Variants in DOCK2 observed in about 807,000 individuals in gnomAD.
The protein encoded by DOCK2 is dedicator of cytokinesis protein 2.
Under a neutral mutation model 248.9 loss-of-function variants are expected in DOCK2, and 87 were observed. The ratio of observed to expected loss-of-function variants is 0.35; its 90% CI spans 0.29 to 0.42. The LOEUF is 0.42. DOCK2 is among the 10% of genes least tolerant of loss of function. The pLI, the probability that DOCK2 is intolerant of heterozygous loss-of-function variation, is 1.00. For missense variants in DOCK2, 1,747 were observed against 2,300.2 expected (o/e 0.76, Z 4.92); for synonymous variants, 805 against 821.6 (o/e 0.98, Z 0.35).
intron 27 of DOCK2, among the ~76,000 whole-genome samples, chr5:169,891,911 G>A (rs1029374348): frequency 1.3e-5 from 2 of 150,606 alleles, no homozygotes; most frequent in Admixed American, 6.6e-5. Context: ...AAAGAGAATC[G>A]CTTGAACCTG....
At chr5:169,727,067 CAAAAAAA>C (rs796894886) in intron 22 of DOCK2, among the ~76,000 whole-genome samples, 1 of 89,328 alleles carries the variant, frequency 1.1e-5, no homozygotes, top group South Asian at 3.5e-4. Context: ...GACCCTGTCT[CAAAAAAA>C]AAAAAAAGAA....
intron 22 of DOCK2, among the ~76,000 whole-genome samples, chr5:169,739,781 A>G (rs1346547461): frequency 6.6e-6 from 1 of 152,230 alleles, no homozygotes; most frequent in Non-Finnish European, 1.5e-5. Flanking sequence ...CTTGGCACCC[A>G]GACTTTTATA....
rs536724336 is a variant in DOCK2 at position 170,050,274 on chromosome 5, C to T, written c.4090C>T (p.Arg1364Cys). Residue 1364 changes from arginine to cysteine, a missense_variant, in exon 41 of 52, where the codon CGC becomes TGC. Arg to Cys is a radical substitution (Grantham distance 180). This residue lies in a region of DOCK2 where 858 missense variants were observed against 1,183.5 expected (regional missense o/e 0.72). Transcript: ENST00000520908. ...SFLRNKVFIY[R>C]GKEYERREDF... ...TCTGCAGAACAAAGTGTTCATCTAC[C>T]GCGGGAAGGAATATGAGCGAAGAGA... 5.5e-5 allele frequency: 88 copies of T among 1,614,104 alleles called. No homozygotes were observed. Among genetic ancestry groups the T allele is most frequent in the Non-Finnish European group, 6.5e-5 (77 of 1,179,970 alleles).
chr5:170,034,058 A>G (rs1303210722), intron 34 of DOCK2, among the ~76,000 whole-genome samples: 18 of 152,220 alleles, frequency 1.2e-4, no homozygotes, highest in Non-Finnish European at 1.5e-5. Flanking sequence ...TTGTGGGGTC[A>G]GAGGATATGT....
intron 22 of DOCK2, among the ~76,000 whole-genome samples, chr5:169,734,240 A>G (rs1256649747): frequency 6.6e-6 from 1 of 151,914 alleles, no homozygotes; most frequent in African/African-American, 2.4e-5. Flanking sequence ...TTTCAAATCT[A>G]ATTTTTTGTT....
chr5:169,707,131 C>A (rs2113501432), intron 14 of DOCK2, among the ~76,000 whole-genome samples: 1 of 152,342 alleles, frequency 6.6e-6, no homozygotes, highest in Middle Eastern at 3.4e-3. Flanking sequence ...ACACTTCGGG[C>A]CCCTTCTGGG....
intron 27 of DOCK2, among the ~76,000 whole-genome samples, chr5:169,909,439 G>A (rs1335709959): frequency 5.9e-5 from 9 of 152,136 alleles, no homozygotes; most frequent in Admixed American, 5.9e-4. Context: ...AAAAATCTAA[G>A]TTTTTTCTTT....
chr5:169,910,401 A>G (rs1774527859), intron 27 of DOCK2, among the ~76,000 whole-genome samples: 1 of 152,086 alleles, frequency 6.6e-6, no homozygotes, highest in Non-Finnish European at 1.5e-5. Flanking sequence ...CAGAGGATCT[A>G]CCCCCTCAGT....
At chr5:169,881,286 TGCA>T in intron 27 of DOCK2, 2 of 1,172,278 alleles carry the variant, frequency 1.7e-6, no homozygotes, top group Admixed American at 2.2e-5. Flanking sequence ...CTTGACTTTT[TGCA>T]TTTAAAAGTT....
chr5:170,044,250 G>A (rs2113846660), intron 38 of DOCK2, among the ~76,000 whole-genome samples: 1 of 152,296 alleles, frequency 6.6e-6, no homozygotes, highest in African/African-American at 2.4e-5. Context: ...TATATCCTTT[G>A]TCCACTTATG....
chr5:170,010,741 G>A (rs542670596), intron 32 of DOCK2, among the ~76,000 whole-genome samples: 52 of 152,290 alleles, frequency 3.4e-4, no homozygotes, highest in African/African-American at 1.1e-3. Flanking sequence ...GTTTGCATTC[G>A]TTGCTGTACA....
chr5:169,653,288 C>T (rs1426492208), intron 1 of DOCK2, among the ~76,000 whole-genome samples: 1 of 152,156 alleles, frequency 6.6e-6, no homozygotes, highest in African/African-American at 2.4e-5. Flanking sequence ...GGAATAATAA[C>T]CTTTTTACAG....
chr5:169,666,595 T>C (rs1758749025), intron 2 of DOCK2, among the ~76,000 whole-genome samples: 1 of 152,146 alleles, frequency 6.6e-6, no homozygotes, highest in Non-Finnish European at 1.5e-5. Context: ...GGAGCATAGA[T>C]AGATATAGCT....
At chr5:169,773,208 A>G (rs528249729) in intron 25 of DOCK2, 1 of 152,222 alleles carries the variant, frequency 6.6e-6, no homozygotes, top group South Asian at 2.1e-4. Flanking sequence ...CAGAGAAGAC[A>G]GTGATTTAAT....
Position 169,698,379 on chromosome 5 carries a change from G to T in DOCK2, c.985G>T (p.Asp329Tyr). Reference protein sequence around the residue: ...LRRPFGVAVMDITDIIKGKAE... With the variant: ...LRRPFGVAVMYITDIIKGKAE... ...TCATTCTGTCTTCTTTCTAGTTATGGATATAACAGACATCATCAAGGGGAA... is the reference window on the plus strand; with the variant it reads ...TCATTCTGTCTTCTTTCTAGTTATGTATATAACAGACATCATCAAGGGGAA... The change falls in exon 11 of 52, where the codon GAT becomes TAT. Residue 329 changes from aspartate to tyrosine, a missense_variant. Asp to Tyr is a radical substitution (Grantham distance 160). Transcript: ENST00000520908. 1 of 1,613,864 alleles carries T rather than the reference G, an allele frequency of 6.2e-7. No homozygotes were observed. Among genetic ancestry groups the T allele is most frequent in the South Asian group, 1.1e-5 (1 of 91,072 alleles).
chr5:169,651,450 C>T (rs978689075), intron 1 of DOCK2, among the ~76,000 whole-genome samples: 32 of 152,282 alleles, frequency 2.1e-4, no homozygotes, highest in Middle Eastern at 3.4e-3. Flanking sequence ...GGAAGATTCC[C>T]GAGGAAAGCA....
At chr5:169,973,220 G>A (rs1374998847) in intron 27 of DOCK2, among the ~76,000 whole-genome samples, 1 of 152,124 alleles carries the variant, frequency 6.6e-6, no homozygotes, top group Non-Finnish European at 1.5e-5. Flanking sequence ...AACAATAGAG[G>A]CTTTGTAAAG....
chr5:169,844,811 G>T (rs1770207470), intron 27 of DOCK2, among the ~76,000 whole-genome samples: 2 of 150,318 alleles, frequency 1.3e-5, no homozygotes, highest in Non-Finnish European at 3.0e-5. Flanking sequence ...TTTAAGGCTT[G>T]TGCCTATTTG....
At chr5:169,729,825 T>A (rs1194316643) in intron 22 of DOCK2, among the ~76,000 whole-genome samples, 1 of 152,182 alleles carries the variant, frequency 6.6e-6, no homozygotes, top group Non-Finnish European at 1.5e-5. Context: ...GGAGCCACAC[T>A]GCCTGGGTTT....
Sources: gnomAD v4.1 joint callset for allele counts (sites outside exome capture counted in the v4.1 genomes callset) on GRCh38, gnomAD v4.1.1 for gene constraint, gnomAD v4.1.1 regional missense constraint, MANE v1.5 for transcripts, NCBI Gene and HGNC (gene_info 2026-07-23, HGNC 2026-07-21) for gene names.